The following ZDHHC14 variants were observed in gnomAD, a reference collection of about 807,000 sequenced individuals.
ZDHHC14 encodes the protein palmitoyltransferase ZDHHC14.
Under a neutral mutation model 47.7 loss-of-function variants are expected in ZDHHC14, and 16 were observed. The ratio of observed to expected loss-of-function variants is 0.34; its 90% CI spans 0.23 to 0.51. ZDHHC14 has a LOEUF of 0.51. Among genes scored for constraint, ZDHHC14 ranks in the 20% least tolerant of loss-of-function variants. ZDHHC14 has a pLI of 0.97. For synonymous variants in ZDHHC14, 293 were observed against 278.9 expected, an observed-to-expected ratio of 1.05 and a Z score of -0.50; for missense variants, 515 against 662.5, an observed-to-expected ratio of 0.78 and a Z score of 2.44.
At chr6:157,658,202 C>G (rs1189323900) in intron 8 of ZDHHC14, among the ~76,000 whole-genome samples, 1 of 151,916 alleles carries the variant, frequency 6.6e-6, no homozygotes, top group African/African-American at 2.4e-5. Context: ...GAATGGGAAC[C>G]AGGGAATGAG....
At position 157,453,201 on chromosome 6, in the gene ZDHHC14, G is replaced by T. The variant is rs193159375; in HGVS notation, c.245+70935G>T. On this transcript the variant is annotated intron_variant, in intron 1 of 8. Transcript: ENST00000359775. ...TCTTAGGGGCAGTTTCTTCAGACAG[G>T]TATTCCAAAGGGATCTCTACTTCTC... Among the ~76,000 whole-genome samples the T allele has an allele frequency of 2.6e-5, 4 of 152,226 alleles. No individual in the cohort carries two copies. In the East Asian group the frequency reaches 7.7e-4, roughly 29 times the overall value.
At chr6:157,467,352 C>A (rs957802381) in intron 1 of ZDHHC14, among the ~76,000 whole-genome samples, 2 of 152,028 alleles carry the variant, frequency 1.3e-5, no homozygotes, top group African/African-American at 4.8e-5. Context: ...CTGGCCTAGG[C>A]AACCACTAAT....
chr6:157,620,584 A>G (rs936864996), intron 3 of ZDHHC14, among the ~76,000 whole-genome samples: 1 of 152,148 alleles, frequency 6.6e-6, no homozygotes, highest in South Asian at 2.1e-4. Context: ...CCTTGACTTG[A>G]TTGAGGGTGG....
chr6:157,414,025 C>T (rs1239254388), intron 1 of ZDHHC14, among the ~76,000 whole-genome samples: 1 of 152,142 alleles, frequency 6.6e-6, no homozygotes, highest in Non-Finnish European at 1.5e-5. Flanking sequence ...TAACCTCCAA[C>T]TCCTGGGTTC....
At chr6:157,495,695 A>ATTTTTTTTTTTTTTTTTTTTT (rs71027341) in intron 1 of ZDHHC14, among the ~76,000 whole-genome samples, 1 of 104,348 alleles carries the variant, frequency 9.6e-6, no homozygotes. Flanking sequence ...TTCGGGTTGA[A>ATTTTTTTTTTTTTTTTTTTTT]TTTTTTTTTT....
At chr6:157,647,908 C>T (rs1000244046) in intron 7 of ZDHHC14, among the ~76,000 whole-genome samples, 4 of 152,180 alleles carry the variant, frequency 2.6e-5, no homozygotes, top group Non-Finnish European at 2.9e-5. Flanking sequence ...GCTCTAAGTT[C>T]TTTATCTGCA....
In ZDHHC14 at chr6:157,511,058, G is replaced by C. The variant is rs140176645; in HGVS notation, c.246-31527G>C. Among the ~76,000 whole-genome samples, 169 of 152,328 alleles carry C rather than the reference G, an allele frequency of 1.1e-3. 3 individuals are homozygous for C. The highest frequency in any genetic ancestry group is 3.8e-3 in the African/African-American group (160 of 41,582). ...CTCGCCGACCGCAGCCTCCGCCTCA[G>C]AGCCAGATCCTCTTCCTCTTCCTTA... is the stretch of plus-strand genomic sequence containing the variant. On this transcript the variant is annotated intron_variant, in intron 1 of 8. Coordinates refer to ENST00000359775, the MANE Select transcript of ZDHHC14 (RefSeq NM_024630.3).
intron 1 of ZDHHC14, among the ~76,000 whole-genome samples, chr6:157,508,452 A>T (rs1385552757): frequency 2.6e-5 from 4 of 152,108 alleles, no homozygotes; most frequent in Admixed American, 2.6e-4. Flanking sequence ...TTGCTGCCTC[A>T]ACCTCCAGGC....
intron 1 of ZDHHC14, among the ~76,000 whole-genome samples, chr6:157,407,915 AG>A (rs1777799037): frequency 6.6e-6 from 1 of 152,236 alleles, no homozygotes; most frequent in Admixed American, 6.5e-5. Flanking sequence ...AGCAGGAAGC[AG>A]GTTTTTAAAA....
At chr6:157,581,780 T>C (rs979084132) in intron 2 of ZDHHC14, among the ~76,000 whole-genome samples, 2 of 152,132 alleles carry the variant, frequency 1.3e-5, no homozygotes, top group African/African-American at 4.8e-5. Context: ...GGTAGATTTT[T>C]CTCCATCACT....
At chr6:157,667,865 C>T (rs148883244) in intron 8 of ZDHHC14, among the ~76,000 whole-genome samples, 71 of 152,258 alleles carry the variant, frequency 4.7e-4, no homozygotes, top group African/African-American at 1.6e-3. Flanking sequence ...AAACAGGCGA[C>T]GTTTTGAGAG....
chr6:157,446,044 G>C (rs1011434302), intron 1 of ZDHHC14, among the ~76,000 whole-genome samples: 1 of 152,094 alleles, frequency 6.6e-6, no homozygotes, highest in African/African-American at 2.4e-5. Context: ...ATTTTAATTT[G>C]ATCATACTTT....
intron 4 of ZDHHC14, chr6:157,631,693 A>C (rs917364338): frequency 6.6e-6 from 1 of 152,240 alleles, no homozygotes; most frequent in African/African-American, 2.4e-5. Flanking sequence ...GAGAGGAAGG[A>C]GGGCTTAGGC....
intron 2 of ZDHHC14, among the ~76,000 whole-genome samples, chr6:157,552,638 C>T (rs896282754): frequency 6.6e-6 from 1 of 151,996 alleles, no homozygotes; most frequent in African/African-American, 2.4e-5. Context: ...AGGAGACTGA[C>T]CTGGGAAGAC....
At chr6:157,405,741 A>T (rs558527676) in intron 1 of ZDHHC14, among the ~76,000 whole-genome samples, 1 of 152,358 alleles carries the variant, frequency 6.6e-6, no homozygotes, top group South Asian at 2.1e-4. Context: ...ATTCTTTATT[A>T]TAATTGACTA....
Position 157,673,122 on chromosome 6 carries a change from AC to A in ZDHHC14, c.*3del. The A allele has an allele frequency of 6.4e-7, 1 of 1,569,976 alleles. No individual in the cohort carries two copies. The highest frequency in any genetic ancestry group is 8.6e-7 in the Non-Finnish European group (1 of 1,167,278). On this transcript the variant is annotated 3_prime_UTR_variant, in exon 9 of 9. Transcript: ENST00000359775. The surrounding 1 kb of genome is among the most constrained non-coding windows in gnomAD (Gnocchi z 5.4). ...GCCTGGTGAAGCTCAGCTCCGTGTGACCCACATGGCCCCAGGCCGGGGGACA... is the reference window on the plus strand; with the variant it reads ...GCCTGGTGAAGCTCAGCTCCGTGTGACCACATGGCCCCAGGCCGGGGGACA...
intron 1 of ZDHHC14, among the ~76,000 whole-genome samples, chr6:157,520,469 G>A (rs933530741): frequency 1.1e-4 from 16 of 152,188 alleles, no homozygotes; most frequent in African/African-American, 3.9e-4. Context: ...GGGAAATATG[G>A]TTTTCAAAGG....
At chr6:157,472,483 A>AAGTGGAGTGG (rs199696883) in intron 1 of ZDHHC14, among the ~76,000 whole-genome samples, 1 of 151,998 alleles carries the variant, frequency 6.6e-6, no homozygotes, top group South Asian at 2.1e-4. Context: ...AGTAAATAAT[A>AAGTGGAGTGG]AGTGGAGTGG....
At chr6:157,395,895 A>G (rs2114740372) in intron 1 of ZDHHC14, among the ~76,000 whole-genome samples, 1 of 152,250 alleles carries the variant, frequency 6.6e-6, no homozygotes, top group Admixed American at 6.5e-5. Flanking sequence ...GCAAAGCTGT[A>G]TAAAATCGGT....
Sources: allele counts gnomAD v4.1 joint callset (sites outside exome capture counted in the v4.1 genomes callset), GRCh38; gene constraint gnomAD v4.1.1; non-coding constraint Gnocchi (gnomAD v3.1); transcripts MANE v1.5; gene names NCBI Gene and HGNC (gene_info 2026-07-23, HGNC 2026-07-21).